AUTS2: variants seen among roughly 807,000 people sequenced by gnomAD.
The protein encoded by AUTS2 is activator of transcription and developmental regulator AUTS2, also known as autism susceptibility gene 2 protein.
AUTS2 carries 17 observed loss-of-function variants against 112.4 expected under a neutral mutation model. The observed-to-expected ratio is 0.15, with a 90% CI of 0.10 to 0.23. The LOEUF (loss-of-function observed/expected upper bound fraction) is 0.23. AUTS2 is among the 10% of genes least tolerant of loss of function. The pLI is 1.00. For missense variants in AUTS2, 1,510 were observed against 1,701.6 expected (o/e 0.89, Z 1.98); for synonymous variants, 751 against 702.7 (o/e 1.07, Z -1.09).
At chr7:70,641,645 A>G (rs1805837145) in intron 5 of AUTS2, among the ~76,000 whole-genome samples, 1 of 152,216 alleles carries the variant, frequency 6.6e-6, no homozygotes, top group African/African-American at 2.4e-5. Flanking sequence ...AGTTCAGAAC[A>G]CACTGTCATC....
At chr7:70,703,490 C>CAAAAAAAAAAAA (rs57223380) in intron 6 of AUTS2, among the ~76,000 whole-genome samples, 1 of 98,640 alleles carries the variant, frequency 1.0e-5, no homozygotes, top group African/African-American at 4.0e-5. Flanking sequence ...GACACCATTT[C>CAAAAAAAAAAAA]AAAAAAAAAA....
chr7:70,338,496 C>T (rs1002615615), intron 4 of AUTS2, among the ~76,000 whole-genome samples: 2 of 152,130 alleles, frequency 1.3e-5, no homozygotes, highest in Non-Finnish European at 2.9e-5. Context: ...GTGAAAAGAT[C>T]GCCTACATTG....
chr7:70,146,026 T>C (rs1694109570), intron 4 of AUTS2, among the ~76,000 whole-genome samples: 1 of 152,134 alleles, frequency 6.6e-6, no homozygotes, highest in African/African-American at 2.4e-5. Context: ...CAGAATGTTA[T>C]TAAACAAGGA....
At chr7:70,316,863 T>C (rs1209069481) in intron 4 of AUTS2, 1 of 152,226 alleles carries the variant, frequency 6.6e-6, no homozygotes, top group Non-Finnish European at 1.5e-5. Flanking sequence ...GAAGGCACAC[T>C]TGCTCGTTTC....
intron 4 of AUTS2, among the ~76,000 whole-genome samples, chr7:70,245,566 C>T (rs1316167503): frequency 6.6e-6 from 1 of 152,132 alleles, no homozygotes; most frequent in Non-Finnish European, 1.5e-5. Context: ...TGTTGTTGCA[C>T]ATAGCTGTAA....
chr7:70,785,449 T>C lies in AUTS2; in HGVS notation c.2224+430T>C, dbSNP rs200665763. 4.2e-5 allele frequency: 20 copies of C among 474,414 alleles called. No individual in the cohort carries two copies. The East Asian group carries it at 1.2e-3, about 28-fold the overall frequency. The allele number at this position is 474,414 out of a possible 1,614,324, so 29.4% of individuals were successfully genotyped here. On this transcript the variant is annotated intron_variant, in intron 16 of 18. Coordinates refer to ENST00000342771, the MANE Select transcript of AUTS2 (RefSeq NM_015570.4). Reference sequence around the variant, plus strand: ...GTTATTCTACATCTCACTGCCCCGATAAATGAGTCTCTTCCTAATAAAGGT... The same window carrying C: ...GTTATTCTACATCTCACTGCCCCGACAAATGAGTCTCTTCCTAATAAAGGT...
chr7:70,636,213 G>T (rs1805527640), intron 5 of AUTS2, among the ~76,000 whole-genome samples: 1 of 152,198 alleles, frequency 6.6e-6, no homozygotes, highest in African/African-American at 2.4e-5. Context: ...GTGAGATGGT[G>T]GCTTCACTTC....
chr7:70,733,449 A>G (rs1028006895), intron 6 of AUTS2, among the ~76,000 whole-genome samples: 1 of 152,220 alleles, frequency 6.6e-6, no homozygotes, highest in Non-Finnish European at 1.5e-5. Flanking sequence ...TTTTGTATGA[A>G]AAATTTCAAA....
intron 1 of AUTS2, among the ~76,000 whole-genome samples, chr7:69,797,589 C>T (rs950725190): frequency 1.3e-5 from 2 of 152,156 alleles, no homozygotes; most frequent in South Asian, 2.1e-4. Context: ...GAAGAGCCTG[C>T]GCTTGGAGGC....
At chr7:70,535,062 A>G (rs1050244039) in intron 5 of AUTS2, among the ~76,000 whole-genome samples, 6 of 151,226 alleles carry the variant, frequency 4.0e-5, no homozygotes, top group Non-Finnish European at 7.4e-5. Context: ...GATGTAATGT[A>G]CTGGTTAAGA....
intron 3 of AUTS2, among the ~76,000 whole-genome samples, chr7:70,130,998 A>G (rs752143056): frequency 9.9e-5 from 15 of 152,176 alleles, no homozygotes; most frequent in Admixed American, 6.5e-5. Context: ...GAAACCAAGG[A>G]AACTTCTGTT....
chr7:69,949,098 C>T (rs1051063296), intron 2 of AUTS2, among the ~76,000 whole-genome samples: 2 of 152,254 alleles, frequency 1.3e-5, no homozygotes, highest in African/African-American at 2.4e-5. Flanking sequence ...TGAGCCACCA[C>T]GCCCAGCCTA....
chr7:69,796,548 A>G (rs1789851946), intron 1 of AUTS2, among the ~76,000 whole-genome samples: 1 of 151,852 alleles, frequency 6.6e-6, no homozygotes, highest in Non-Finnish European at 1.5e-5. Flanking sequence ...AGAAAAGAAA[A>G]TAGGGAAGAG....
At chr7:70,633,621 A>C (rs1805387521) in intron 5 of AUTS2, among the ~76,000 whole-genome samples, 1 of 151,728 alleles carries the variant, frequency 6.6e-6, no homozygotes, top group Admixed American at 6.6e-5. Flanking sequence ...AAAAAAAAAA[A>C]AAAAAAAAGG....
chr7:69,759,823 T>C (rs1788102640), intron 1 of AUTS2, among the ~76,000 whole-genome samples: 1 of 112,310 alleles, frequency 8.9e-6, no homozygotes, highest in Admixed American at 1.3e-4. Flanking sequence ...TGGGCGAACC[T>C]GGAAGCTGAA....
chr7:70,624,230 C>T (rs1047424488), intron 5 of AUTS2, among the ~76,000 whole-genome samples: 1 of 152,216 alleles, frequency 6.6e-6, no homozygotes, highest in Non-Finnish European at 1.5e-5. Flanking sequence ...ATGTGCTGGT[C>T]TCTCTGGAAG....
chr7:69,664,598 A>G (rs571995564), intron 1 of AUTS2, among the ~76,000 whole-genome samples: 1 of 152,328 alleles, frequency 6.6e-6, no homozygotes, highest in African/African-American at 2.4e-5. Flanking sequence ...CAAGCAAAGC[A>G]TGGCAAGTGG....
intron 2 of AUTS2, among the ~76,000 whole-genome samples, chr7:70,025,861 ATTG>A (rs1255145860): frequency 1.4e-5 from 2 of 148,032 alleles, no homozygotes; most frequent in Admixed American, 6.8e-5. Context: ...TGGAGAGCTT[ATTG>A]TTGTTCCAAG....
intron 4 of AUTS2, among the ~76,000 whole-genome samples, chr7:70,322,176 G>A (rs1016525488): frequency 2.0e-5 from 3 of 151,158 alleles, no homozygotes; most frequent in Admixed American, 6.6e-5. Flanking sequence ...TTTTTTAAAG[G>A]GAAAAAATAA....
Sources: gnomAD v4.1 joint callset for allele counts (sites outside exome capture counted in the v4.1 genomes callset) on GRCh38, gnomAD v4.1.1 for gene constraint, MANE v1.5 for transcripts, NCBI Gene and HGNC (gene_info 2026-07-23, HGNC 2026-07-21) for gene names.